The following SHANK2 variants were observed in gnomAD, a reference collection of about 807,000 sequenced individuals.
The protein encoded by SHANK2 is SH3 and multiple ankyrin repeat domains 2.
A neutral mutation model predicts 133.7 loss-of-function variants in SHANK2; 43 were observed. The observed-to-expected ratio is 0.32, with a 90% CI of 0.25 to 0.41. The LOEUF is 0.41. SHANK2 is among the 10% of genes least tolerant of loss of function. SHANK2 has a pLI of 1.00. For missense variants in SHANK2, 1,994 were observed against 2,235.8 expected (o/e 0.89, Z 2.18); for synonymous variants, 1,017 against 952.8 (o/e 1.07, Z -1.24).
intron 17 of SHANK2, among the ~76,000 whole-genome samples, chr11:70,623,058 C>T (rs2060852719): frequency 6.6e-6 from 1 of 152,206 alleles, no homozygotes; most frequent in Non-Finnish European, 1.5e-5. Flanking sequence ...CACCTGCAAT[C>T]CCAGCTACTA....
chr11:71,119,249 G>A (rs782694709), intron 3 of SHANK2, among the ~76,000 whole-genome samples: 9 of 152,152 alleles, frequency 5.9e-5, no homozygotes, highest in Non-Finnish European at 1.0e-4. Context: ...AAAGACCGAG[G>A]CATTGGTCTC....
chr11:70,532,357 C>G (rs185978101), intron 17 of SHANK2, among the ~76,000 whole-genome samples: 2 of 152,156 alleles, frequency 1.3e-5, no homozygotes, highest in Admixed American at 6.5e-5. Flanking sequence ...GCTCTGCCCC[C>G]CATGCTGTGC....
At chr11:70,697,845 C>T (rs1050747039) in intron 15 of SHANK2, among the ~76,000 whole-genome samples, 13 of 152,296 alleles carry the variant, frequency 8.5e-5, no homozygotes, top group East Asian at 1.9e-4. Context: ...CCAGCAGGGC[C>T]GGGCACAGGA....
chr11:71,064,763 A>G (rs1193608679), intron 9 of SHANK2, among the ~76,000 whole-genome samples: 1 of 152,010 alleles, frequency 6.6e-6, no homozygotes, highest in Non-Finnish European at 1.5e-5. Flanking sequence ...GAGAAACAGG[A>G]GGTGGCCAGG....
intron 17 of SHANK2, among the ~76,000 whole-genome samples, chr11:70,519,084 A>AT (rs1291882391): frequency 2.0e-5 from 3 of 151,686 alleles, no homozygotes; most frequent in South Asian, 4.2e-4. Flanking sequence ...TAATTTTTGT[A>AT]TTTTTTTGTA....
At chr11:70,782,377 A>G (rs1555045368) in intron 14 of SHANK2, among the ~76,000 whole-genome samples, 2 of 152,214 alleles carry the variant, frequency 1.3e-5, no homozygotes. Context: ...TCTTTAAGTC[A>G]CCATTTTAAG....
intron 17 of SHANK2, among the ~76,000 whole-genome samples, chr11:70,593,829 G>C (rs782785484): frequency 3.9e-5 from 6 of 152,084 alleles, no homozygotes; most frequent in African/African-American, 1.5e-4. Context: ...TAGTTCCTTC[G>C]TTCGTTCGTT....
intron 14 of SHANK2, among the ~76,000 whole-genome samples, chr11:70,760,353 T>C (rs1357976636): frequency 6.6e-6 from 1 of 152,228 alleles, no homozygotes; most frequent in Non-Finnish European, 1.5e-5. Flanking sequence ...TGTAACCCTT[T>C]ATAATAGTCT....
intron 10 of SHANK2, among the ~76,000 whole-genome samples, chr11:70,899,372 T>G (rs570235439): frequency 6.6e-6 from 1 of 152,296 alleles, no homozygotes; most frequent in Admixed American, 6.5e-5. Context: ...GTCATGACTG[T>G]AAGATTCCTG....
chr11:70,621,996 G>A (rs1272409956), intron 17 of SHANK2, among the ~76,000 whole-genome samples: 5 of 152,084 alleles, frequency 3.3e-5, no homozygotes, highest in African/African-American at 1.2e-4. Flanking sequence ...ACACGGTGCC[G>A]GGAGGTTCTG....
chr11:71,237,425 C>T (rs570284061), intron 1 of SHANK2, among the ~76,000 whole-genome samples: 3 of 152,336 alleles, frequency 2.0e-5, no homozygotes, highest in Admixed American at 2.0e-4. Flanking sequence ...GCACAGCACG[C>T]AAGCACGACA....
intron 11 of SHANK2, among the ~76,000 whole-genome samples, chr11:70,867,469 G>T (rs991226358): frequency 6.6e-6 from 1 of 152,188 alleles, no homozygotes; most frequent in African/African-American, 2.4e-5. Context: ...TGGGGAGTAC[G>T]GCATGCGCAT....
intron 10 of SHANK2, among the ~76,000 whole-genome samples, chr11:70,912,096 AAAAAAAAAAAAAAAAAAAAG>A (rs1686509928): frequency 2.5e-5 from 2 of 80,100 alleles, no homozygotes; most frequent in African/African-American, 1.9e-4. Context: ...AAAAAAAAAA[AAAAAAAAAAAAAAAAAAAAG>A]AAAGAAAGAA....
At chr11:71,082,213 C>A (rs1233128472) in intron 8 of SHANK2, among the ~76,000 whole-genome samples, 1 of 152,236 alleles carries the variant, frequency 6.6e-6, no homozygotes, top group Non-Finnish European at 1.5e-5. Flanking sequence ...GGGCTCTCCA[C>A]CTGGCTGCTG....
intron 2 of SHANK2, among the ~76,000 whole-genome samples, chr11:71,181,659 T>C (rs926678403): frequency 1.3e-5 from 2 of 152,012 alleles, no homozygotes; most frequent in Admixed American, 6.6e-5. Context: ...CGCCCGCTCA[T>C]GGTGAAGCAC....
At chr11:71,098,649 G>A (rs1555096033) in intron 6 of SHANK2, among the ~76,000 whole-genome samples, 1 of 152,134 alleles carries the variant, frequency 6.6e-6, no homozygotes, top group Non-Finnish European at 1.5e-5. Flanking sequence ...AAAGGCAAAA[G>A]GAACAGAATA....
At chr11:70,682,536 G>A (rs530879290) in intron 15 of SHANK2, among the ~76,000 whole-genome samples, 1 of 152,246 alleles carries the variant, frequency 6.6e-6, no homozygotes, top group Non-Finnish European at 1.5e-5. Context: ...GCCCCTTCTG[G>A]GAAGTGGGAC....
chr11:71,148,960 C>G (rs1176525252), intron 2 of SHANK2, among the ~76,000 whole-genome samples: 1 of 139,994 alleles, frequency 7.1e-6, no homozygotes, highest in African/African-American at 3.1e-5. Context: ...AGTTCCCTCT[C>G]GGAGGAAGAC....
At chr11:70,559,316 G>A (rs782373760) in intron 17 of SHANK2, among the ~76,000 whole-genome samples, 7 of 152,140 alleles carry the variant, frequency 4.6e-5, no homozygotes, top group Non-Finnish European at 7.4e-5. Flanking sequence ...CATCACACCC[G>A]GCCCATAGAC....
Sources: gnomAD v4.1 joint callset for allele counts (sites outside exome capture counted in the v4.1 genomes callset) on GRCh38, gnomAD v4.1.1 for gene constraint, MANE v1.5 for transcripts, NCBI Gene and HGNC (gene_info 2026-07-23, HGNC 2026-07-21) for gene names.